The following SAMMSON variants were observed in gnomAD, a reference collection of about 807,000 sequenced individuals.
The protein encoded by SAMMSON is survival associated mitochondrial melanoma specific oncogenic non-coding RNA.
intron 9 of SAMMSON, among the ~76,000 whole-genome samples, chr3:70,378,379 G>A (rs937291099): frequency 4.6e-5 from 7 of 151,856 alleles, no homozygotes; most frequent in Non-Finnish European, 8.8e-5. Context: ...TAGAATGATT[G>A]TACTTATATA....
chr3:70,125,926 G>T, intron 4 of SAMMSON: 1 of 732,624 alleles, frequency 1.4e-6, no homozygotes, highest in Non-Finnish European at 2.4e-6. Flanking sequence ...TTCTGGCCAA[G>T]GAGGTTCCTC....
chr3:70,123,791 T>C (rs2067444659), intron 4 of SAMMSON, among the ~76,000 whole-genome samples: 2 of 152,208 alleles, frequency 1.3e-5, no homozygotes, highest in Non-Finnish European at 2.9e-5. Context: ...GATGTGCAGA[T>C]GTGTTGGGGG....
At chr3:70,029,343 G>A (rs528574391) in intron 3 of SAMMSON, among the ~76,000 whole-genome samples, 1 of 152,280 alleles carries the variant, frequency 6.6e-6, no homozygotes, top group African/African-American at 2.4e-5. Flanking sequence ...TGAGACCAAT[G>A]TGGAACCTTT....
At chr3:70,317,685 ATAAAT>A (rs1702504851) in intron 7 of SAMMSON, among the ~76,000 whole-genome samples, 1 of 151,710 alleles carries the variant, frequency 6.6e-6, no homozygotes, top group Non-Finnish European at 1.5e-5. Context: ...GTCTTAAAAA[ATAAAT>A]TAGGAGGAAA....
At chr3:70,158,059 CA>C in intron 4 of SAMMSON, among the ~76,000 whole-genome samples, 1 of 152,206 alleles carries the variant, frequency 6.6e-6, no homozygotes, top group African/African-American at 2.4e-5. Context: ...GCATATTTAG[CA>C]TATCAGATAA....
downstream of SAMMSON, among the ~76,000 whole-genome samples, chr3:70,393,388 T>G (rs1701065866): frequency 6.6e-6 from 1 of 152,210 alleles, no homozygotes; most frequent in African/African-American, 2.4e-5. Flanking sequence ...CCTCAGTTGA[T>G]TTCAACAAAT....
intron 7 of SAMMSON, among the ~76,000 whole-genome samples, chr3:70,332,268 T>G (rs1702626236): frequency 6.6e-6 from 1 of 152,210 alleles, no homozygotes; most frequent in African/African-American, 2.4e-5. Context: ...TTCTCTTCGT[T>G]AGAACTCTCA....
chr3:70,229,085 C>T (rs1026635739), intron 4 of SAMMSON, among the ~76,000 whole-genome samples: 1 of 152,192 alleles, frequency 6.6e-6, no homozygotes, highest in Non-Finnish European at 1.5e-5. Flanking sequence ...GAACCAATAA[C>T]TGAATTTTGA....
chr3:70,204,195 T>A (rs1701268629), intron 4 of SAMMSON, among the ~76,000 whole-genome samples: 1 of 152,164 alleles, frequency 6.6e-6, no homozygotes, highest in African/African-American at 2.4e-5. Flanking sequence ...CATTTGAAAA[T>A]AAATTAGCCA....
chr3:70,097,987 G>C (rs1240929103), intron 4 of SAMMSON, among the ~76,000 whole-genome samples: 3 of 152,188 alleles, frequency 2.0e-5, no homozygotes, highest in Non-Finnish European at 4.4e-5. Flanking sequence ...TAGGGAGCAA[G>C]GGGTTGAAAG....
chr3:70,087,141 C>T (rs958557224), intron 4 of SAMMSON, among the ~76,000 whole-genome samples: 1 of 152,144 alleles, frequency 6.6e-6, no homozygotes, highest in African/African-American at 2.4e-5. Flanking sequence ...TTCTCTTGCC[C>T]TGGATCTCCG....
At chr3:70,124,767 A>T (rs2106669443) in intron 4 of SAMMSON, among the ~76,000 whole-genome samples, 1 of 141,898 alleles carries the variant, frequency 7.0e-6, no homozygotes, top group South Asian at 2.4e-4. Flanking sequence ...GTGAGTCAAG[A>T]TCGTGCCAGT....
chr3:70,235,579 G>A (rs1002026826), intron 4 of SAMMSON, among the ~76,000 whole-genome samples: 12 of 152,078 alleles, frequency 7.9e-5, no homozygotes, highest in Admixed American at 2.0e-4. Flanking sequence ...TCAGGCTCAC[G>A]GCTCTGTCCT....
intron 4 of SAMMSON, among the ~76,000 whole-genome samples, chr3:70,167,737 G>C (rs1206136855): frequency 9.2e-5 from 14 of 151,912 alleles, no homozygotes; most frequent in Non-Finnish European, 1.9e-4. Flanking sequence ...ATGAACGTCA[G>C]CACCAATTGC....
At chr3:70,427,461 C>CA (rs1701378988) in intron 2 of SAMMSON, among the ~76,000 whole-genome samples, 1 of 152,136 alleles carries the variant, frequency 6.6e-6, no homozygotes, top group East Asian at 1.9e-4. Context: ...CCAAAAGGGC[C>CA]GGGCGCGGTG....
chr3:70,026,767 G>A (rs561696563), intron 3 of SAMMSON, among the ~76,000 whole-genome samples: 4 of 152,356 alleles, frequency 2.6e-5, no homozygotes, highest in South Asian at 2.1e-4. Context: ...GGTTAGCAAT[G>A]TCAACCTACT....
At chr3:70,303,445 C>T (rs1472759882) in intron 7 of SAMMSON, among the ~76,000 whole-genome samples, 7 of 152,046 alleles carry the variant, frequency 4.6e-5, no homozygotes, top group South Asian at 2.1e-4. Context: ...CCAGAAGTGG[C>T]GATCTGAATG....
At chr3:70,102,300 A>C (rs574563779) in intron 4 of SAMMSON, among the ~76,000 whole-genome samples, 1 of 152,316 alleles carries the variant, frequency 6.6e-6, no homozygotes, top group South Asian at 2.1e-4. Flanking sequence ...AATATAACAA[A>C]GCCATCATGA....
intron 9 of SAMMSON, among the ~76,000 whole-genome samples, chr3:70,377,806 A>C (rs749462210): frequency 1.1e-4 from 16 of 152,180 alleles, no homozygotes; most frequent in Non-Finnish European, 2.2e-4. Flanking sequence ...GCCAATAGAA[A>C]AATGTTCAAA....
Sources: gnomAD v4.1 joint callset for allele counts (sites outside exome capture counted in the v4.1 genomes callset) on GRCh38, gnomAD v4.1.1 for gene constraint, MANE v1.5 for transcripts, NCBI Gene and HGNC (gene_info 2026-07-23, HGNC 2026-07-21) for gene names.